MLXIP: variants seen among roughly 807,000 people sequenced by gnomAD.
MLXIP encodes the protein MLX interacting protein.
In MLXIP, 30 loss-of-function variants were observed where a neutral mutation model predicts 87.2. The ratio of observed to expected loss-of-function variants is 0.34; its 90% CI spans 0.26 to 0.47. MLXIP has a LOEUF of 0.47. MLXIP is among the 20% of genes least tolerant of loss of function. MLXIP has a pLI of 1.00. For missense variants in MLXIP, 1,002 were observed against 1,240.1 expected (o/e 0.81, Z 2.88); for synonymous variants, 530 against 514.0 (o/e 1.03, Z -0.42).
intron 1 of MLXIP, among the ~76,000 whole-genome samples, chr12:122,096,202 C>T (rs545101819): frequency 6.6e-6 from 1 of 152,158 alleles, no homozygotes; most frequent in East Asian, 1.9e-4. Flanking sequence ...CTCAGCCTCC[C>T]GAGTAGCTGG....
chr12:122,142,684 C>T lies in MLXIP; in HGVS notation c.*872C>T, dbSNP rs1953231151. The T allele has an allele frequency of 5.0e-6, 1 of 199,138 alleles. No homozygotes were observed. The highest frequency in any genetic ancestry group is 5.3e-5 in the Admixed American group (1 of 18,818). 12.3% of individuals were successfully genotyped at this position (199,138 alleles called of 1,614,324 possible). A position where few individuals can be genotyped will look rare whatever the true frequency, so the allele number is the denominator to read the frequency against. ...AGCATGTCCTGTGGGAGCTTAGAAC[C>T]CTGAAGTTCTAGTGTCTGAAAGATC... On this transcript the variant is annotated 3_prime_UTR_variant, in exon 17 of 17. Coordinates refer to ENST00000319080, the MANE Select transcript of MLXIP (RefSeq NM_014938.6).
At chr12:122,119,374 A>C (rs1372726838) in intron 1 of MLXIP, among the ~76,000 whole-genome samples, 1 of 151,914 alleles carries the variant, frequency 6.6e-6, no homozygotes, top group Non-Finnish European at 1.5e-5. Flanking sequence ...CACTGTGTAG[A>C]TATGCCAGTT....
chr12:122,094,508 G>A (rs1270975091), intron 1 of MLXIP, among the ~76,000 whole-genome samples: 2 of 97,864 alleles, frequency 2.0e-5, no homozygotes, highest in African/African-American at 3.5e-5. Context: ...CTGTGTGTGT[G>A]GTGTGTTGGT....
At chr12:122,118,033 C>T (rs1273645807) in intron 1 of MLXIP, among the ~76,000 whole-genome samples, 1 of 152,190 alleles carries the variant, frequency 6.6e-6, no homozygotes, top group African/African-American at 2.4e-5. Flanking sequence ...CATCACTACT[C>T]TTATGCTTTG....
chr12:122,128,866 C>G (rs752095845), intron 3 of MLXIP: 13 of 436,506 alleles, frequency 3.0e-5, no homozygotes, highest in Non-Finnish European at 4.6e-5. Flanking sequence ...GCATTCTGCT[C>G]TCACCCTGTC....
chr12:122,120,801 T>C (rs1363705790), intron 1 of MLXIP, among the ~76,000 whole-genome samples: 1 of 152,016 alleles, frequency 6.6e-6, no homozygotes, highest in African/African-American at 2.4e-5. Flanking sequence ...CCTGCAGCAC[T>C]CACTGTGAGA....
chr12:122,141,196 G>A, intron 16 of MLXIP, 113 bp downstream of exon 16: 1 of 1,425,594 alleles, frequency 7.0e-7, no homozygotes, highest in Non-Finnish European at 9.3e-7. Flanking sequence ...GGTGGGGCCG[G>A]GGCAGGGGCA....
intron 1 of MLXIP, among the ~76,000 whole-genome samples, chr12:122,121,010 G>GTTTGTTTTTTTTTTTTTTTTTTTTTTTTT (rs1952771754): frequency 8.9e-6 from 1 of 111,910 alleles, no homozygotes; most frequent in East Asian, 3.2e-4. Context: ...TGCATGCTTG[G>GTTTGTTTTTTTTTTTTTTTTTTTTTTTTT]TTTTTTTTTT....
chr12:122,122,865 T>TC (rs1390098520), intron 1 of MLXIP, among the ~76,000 whole-genome samples: 6 of 151,040 alleles, frequency 4.0e-5, no homozygotes, highest in Non-Finnish European at 8.9e-5. Flanking sequence ...TTTTTCTTTT[T>TC]TTTTTTTTAA....
At chr12:122,086,065 T>C (rs772113133) in intron 1 of MLXIP, among the ~76,000 whole-genome samples, 9 of 152,214 alleles carry the variant, frequency 5.9e-5, no homozygotes, top group South Asian at 2.1e-4. Context: ...TCAGCTGCTG[T>C]TGGCAGCTTT....
chr12:122,110,324 G>T (rs902738779), intron 1 of MLXIP, among the ~76,000 whole-genome samples: 1 of 151,916 alleles, frequency 6.6e-6, no homozygotes, highest in Non-Finnish European at 1.5e-5. Context: ...TTTTGCTCTT[G>T]TTGCCCAGGC....
intron 1 of MLXIP, among the ~76,000 whole-genome samples, chr12:122,123,502 A>G (rs971434586): frequency 6.6e-6 from 1 of 152,206 alleles, no homozygotes; most frequent in African/African-American, 2.4e-5. Flanking sequence ...AAGAAAAGGG[A>G]AACATTTCAG....
intron 1 of MLXIP, among the ~76,000 whole-genome samples, 168 bp from the exon 2 acceptor site, chr12:122,127,087 TG>T (rs1952893181): frequency 6.6e-6 from 1 of 152,126 alleles, no homozygotes; most frequent in African/African-American, 2.4e-5. Context: ...TGCCCTGCCC[TG>T]TGTGGCTCTG....
intron 1 of MLXIP, among the ~76,000 whole-genome samples, chr12:122,117,582 T>C (rs1952711867): frequency 6.6e-6 from 1 of 152,256 alleles, no homozygotes; most frequent in South Asian, 2.1e-4. Flanking sequence ...CAGAATTGAC[T>C]GATATATCTG....
Position 122,141,949 on chromosome 12 carries a change from G to A in MLXIP, c.*137G>A, listed in dbSNP as rs530166584. On this transcript the variant is annotated 3_prime_UTR_variant, in exon 17 of 17. Coordinates refer to ENST00000319080, the MANE Select transcript of MLXIP (RefSeq NM_014938.6). Reference sequence around the variant, plus strand: ...AACTCTGCCGGCCCACCGTGGCATCGGGAGGCCATGCTCAGGTCTGAAGCA... The same window carrying A: ...AACTCTGCCGGCCCACCGTGGCATCAGGAGGCCATGCTCAGGTCTGAAGCA... 117 of 1,345,376 alleles carry A rather than the reference G, an allele frequency of 8.7e-5. No individual in the cohort carries two copies. Among genetic ancestry groups the A allele is most frequent in the South Asian group, 7.5e-4 (54 of 72,208 alleles). 83.3% of individuals were successfully genotyped at this position (1,345,376 alleles called of 1,614,324 possible).
intron 1 of MLXIP, among the ~76,000 whole-genome samples, chr12:122,102,505 C>G (rs1242541995): frequency 6.6e-6 from 1 of 152,116 alleles, no homozygotes; most frequent in African/African-American, 2.4e-5. Flanking sequence ...TCTGGCAACT[C>G]CCCAACACAT....
chr12:122,103,843 T>TG (rs1491585863), intron 1 of MLXIP, among the ~76,000 whole-genome samples: 3 of 77,626 alleles, frequency 3.9e-5, no homozygotes, highest in African/African-American at 1.7e-4. Flanking sequence ...TTTGTTTGTT[T>TG]TTTTTTTTTT....
At chr12:122,095,025 TGTGTGTGTG>T (rs1477692480) in intron 1 of MLXIP, among the ~76,000 whole-genome samples, 23 of 137,712 alleles carry the variant, frequency 1.7e-4, no homozygotes, top group African/African-American at 6.2e-4. Flanking sequence ...GTTGGTGTGT[TGTGTGTGTG>T]GGGTGTGTGG....
Position 122,137,008 on chromosome 12 carries a change from G to A in MLXIP, c.2033-461G>A, listed in dbSNP as rs772277920. The A allele has an allele frequency of 6.6e-6, 1 of 152,252 alleles. No individual in the cohort carries two copies. Among genetic ancestry groups the A allele is most frequent in the Non-Finnish European group, 1.5e-5 (1 of 68,102 alleles). 9.4% of individuals were successfully genotyped at this position (152,252 alleles called of 1,614,324 possible). ...AAGCAGAATGGGCCGAGAAGGCCGA[G>A]TCCACCTGGGACTGAGCACGGTCAC... is the stretch of plus-strand genomic sequence containing the variant. On this transcript the variant is annotated intron_variant, in intron 11 of 16. Coordinates refer to ENST00000319080, the MANE Select transcript of MLXIP (RefSeq NM_014938.6). The surrounding 1 kb of genome is among the most constrained non-coding windows in gnomAD (Gnocchi z 4.1).
Sources: allele counts gnomAD v4.1 joint callset (sites outside exome capture counted in the v4.1 genomes callset), GRCh38; gene constraint gnomAD v4.1.1; non-coding constraint Gnocchi (gnomAD v3.1); transcripts MANE v1.5; gene names NCBI Gene and HGNC (gene_info 2026-07-23, HGNC 2026-07-21).